The following NCKAP1L variants were observed in gnomAD, a reference collection of about 807,000 sequenced individuals.
NCKAP1L encodes the protein nck-associated protein 1-like.
A neutral mutation model predicts 139.2 loss-of-function variants in NCKAP1L; 53 were observed. The ratio of observed to expected loss-of-function variants is 0.38; its 90% CI spans 0.31 to 0.48. The LOEUF (loss-of-function observed/expected upper bound fraction) is 0.48. NCKAP1L is among the 20% of genes least tolerant of loss of function. The pLI is 0.98. For synonymous variants in NCKAP1L, 468 were observed against 499.7 expected, an observed-to-expected ratio of 0.94 and a Z score of 0.85; for missense variants, 1,151 against 1,381.9, an observed-to-expected ratio of 0.83 and a Z score of 2.65.
chr12:54,531,908 C>T (rs906443858), intron 25 of NCKAP1L, 83 bp downstream of exon 25: 48 of 1,206,410 alleles, frequency 4.0e-5, no homozygotes, highest in African/African-American at 6.0e-5. Flanking sequence ...GGAAGTATTG[C>T]GGGAATCAGT....
intron 9 of NCKAP1L, among the ~76,000 whole-genome samples, chr12:54,515,934 A>G (rs1956926523): frequency 6.6e-6 from 1 of 152,246 alleles, no homozygotes; most frequent in Non-Finnish European, 1.5e-5. Context: ...AGGCAGGAGC[A>G]CAGGAAGAGA....
At chr12:54,539,928 G>T (rs114470509) in intron 30 of NCKAP1L, among the ~76,000 whole-genome samples, 2,603 of 152,228 alleles carry the variant, frequency 0.017, 76 homozygotes, top group African/African-American at 0.06. Flanking sequence ...AGGGACGTGT[G>T]GCTGGAGTTT....
At chr12:54,535,306 A>G (rs560897069) in intron 27 of NCKAP1L, 109 bp downstream of exon 27, 2 of 797,222 alleles carry the variant, frequency 2.5e-6, no homozygotes, top group Admixed American at 2.5e-5. Context: ...ATATATTCAG[A>G]GGATATAAGC....
chr12:54,511,272 G>A (rs543209405), intron 7 of NCKAP1L, among the ~76,000 whole-genome samples: 4 of 152,260 alleles, frequency 2.6e-5, no homozygotes, highest in Admixed American at 2.6e-4. Context: ...TCTAGTCCAA[G>A]TTCCTCTTTA....
chr12:54,532,322 T>C, intron 26 of NCKAP1L, 72 bp downstream of exon 26: 1 of 1,282,882 alleles, frequency 7.8e-7, no homozygotes, highest in Non-Finnish European at 1.1e-6. Flanking sequence ...TAGGATCTTG[T>C]AAGGGAGAGC....
In NCKAP1L at chr12:54,509,908, G is replaced by C. The variant is rs1956873975; in HGVS notation, c.658G>C (p.Glu220Gln). The C allele has an allele frequency of 5.0e-6, 8 of 1,614,230 alleles. No homozygotes were observed. The highest frequency in any genetic ancestry group is 1.6e-4 in the Middle Eastern group (1 of 6,062). Residue 220 changes from glutamate (E) to glutamine (Q), a missense_variant, in exon 7 of 31, where the codon GAG becomes CAG. Coordinates refer to ENST00000293373, the MANE Select transcript of NCKAP1L (RefSeq NM_005337.5). The stretch of plus-strand genomic sequence containing the variant: ...CTTTGTCCGAAGAAACCAGGGGGCT[G>C]AGCAGTGGCGCAGTGCCCAACTTCT... ...FLFVRRNQGA[E>Q]QWRSAQLLSL... is the part of the protein sequence containing the mutation.
intron 26 of NCKAP1L, among the ~76,000 whole-genome samples, chr12:54,532,622 AT>A (rs1957082017): frequency 6.6e-6 from 1 of 152,048 alleles, no homozygotes; most frequent in South Asian, 2.1e-4. Context: ...TTATAGGAAG[AT>A]TTGTTCCTTT....
rs763820095 is a variant in NCKAP1L, at chr12:54,521,237, A to T, written c.1877A>T (p.Gln626Leu). 6.2e-7 allele frequency: 1 copy of T among 1,613,980 alleles called. No individual in the cohort carries two copies. The highest frequency in any genetic ancestry group is 1.1e-5 in the South Asian group (1 of 91,070). ...GCTGAGCAGCGAAACCTGAGCGAGC[A>T]GGTAGACTCAGCCCTCTCTGTTTCA... ...ICAEQRNLSE[Q>L]LLPKHCATTI... Residue 626 changes from glutamine to leucine, a missense_variant and splice_region_variant, in exon 18 of 31, where the codon CAG becomes CTG. Physicochemically the swap from Gln to Leu is moderately radical, Grantham distance 113. Coordinates refer to ENST00000293373, the MANE Select transcript of NCKAP1L (RefSeq NM_005337.5).
At position 54,535,166 on chromosome 12, in the gene NCKAP1L, C is replaced by T; in HGVS notation, c.2925C>T (p.Ala975=). 2 of 1,613,758 alleles carry T rather than the reference C, an allele frequency of 1.2e-6. No homozygotes were observed. The highest frequency in any genetic ancestry group is 1.7e-6 in the Non-Finnish European group (2 of 1,179,834). Residue 975 remains alanine, a synonymous_variant, in exon 27 of 31, where the codon GCC becomes GCT. Coordinates refer to ENST00000293373, the MANE Select transcript of NCKAP1L (RefSeq NM_005337.5). ...GTGTGGGCTGTGACATTGACCCAGCCTTGGTGGCTGCCATTGCTAATCTGA... is the reference window on the plus strand; with the variant it reads ...GTGTGGGCTGTGACATTGACCCAGCTTTGGTGGCTGCCATTGCTAATCTGA... ...AAGVGCDIDP[A]LVAAIANLKA... is the part of the protein sequence containing the mutation.
intron 30 of NCKAP1L, among the ~76,000 whole-genome samples, chr12:54,541,505 C>T (rs2120983701): frequency 6.6e-6 from 1 of 152,298 alleles, no homozygotes; most frequent in African/African-American, 2.4e-5. Context: ...TCTTGCCTAG[C>T]AAGAAATTCT....
chr12:54,497,939 G>A (rs1414852630), intron 1 of NCKAP1L, 48 bp downstream of exon 1: 1 of 1,250,828 alleles, frequency 8.0e-7, no homozygotes, highest in African/African-American at 1.5e-5. Flanking sequence ...ACAATAATAG[G>A]GCAGGGAACC....
intron 5 of NCKAP1L, among the ~76,000 whole-genome samples, chr12:54,508,966 T>C (rs768296976): frequency 5.3e-5 from 8 of 152,180 alleles, no homozygotes; most frequent in Non-Finnish European, 1.2e-4. Flanking sequence ...GATTATTCAA[T>C]TTGCATCATC....
chr12:54,506,855 A>AG (rs1956845421), intron 3 of NCKAP1L, among the ~76,000 whole-genome samples: 1 of 134,294 alleles, frequency 7.4e-6, no homozygotes, highest in African/African-American at 2.8e-5. Flanking sequence ...CTTTTTTAGA[A>AG]ATGAAAGTAC....
intron 22 of NCKAP1L, among the ~76,000 whole-genome samples, chr12:54,530,598 A>G (rs1451994600): frequency 6.6e-6 from 1 of 152,226 alleles, no homozygotes; most frequent in Non-Finnish European, 1.5e-5. Flanking sequence ...AGATGAGGAA[A>G]TAGTTGTATC....
In NCKAP1L at chr12:54,547,762, C is replaced by T. The variant is rs1396030060; in HGVS notation, c.*5077C>T. 6.6e-6 allele frequency: 1 copy of T among 152,168 alleles called. No individual in the cohort carries two copies. The highest frequency in any genetic ancestry group is 1.5e-5 in the Non-Finnish European group (1 of 68,034). 9.4% of individuals were successfully genotyped at this position (152,168 alleles called of 1,614,324 possible). On this transcript the variant is annotated 3_prime_UTR_variant, in exon 31 of 31. Transcript: ENST00000293373. ...TTTGCAATTCTTTTGTAGTTTCCAGCCCATTTCATTTTCAGTTGATAAGGA... is the reference window on the plus strand; with the variant it reads ...TTTGCAATTCTTTTGTAGTTTCCAGTCCATTTCATTTTCAGTTGATAAGGA...
Position 54,509,833 on chromosome 12 carries a change from T to C in NCKAP1L, c.598-15T>C. 6.2e-7 allele frequency: 1 copy of C among 1,614,186 alleles called. No homozygotes were observed. The highest frequency in any genetic ancestry group is 1.1e-5 in the South Asian group (1 of 91,084). ...TCATGATTGCCGCTAAGGTTTCATT[T>C]GCTTTTCCCCACAGGCTGTGAGTGG... On this transcript the variant is annotated splice_polypyrimidine_tract_variant and intron_variant, in intron 6 of 30. Coordinates refer to ENST00000293373, the MANE Select transcript of NCKAP1L (RefSeq NM_005337.5).
chr12:54,513,315 G>C (rs1028176968), intron 9 of NCKAP1L, among the ~76,000 whole-genome samples: 1 of 152,210 alleles, frequency 6.6e-6, no homozygotes, highest in African/African-American at 2.4e-5. Context: ...TAAACAGGTT[G>C]ACTTTGAAAT....
intron 3 of NCKAP1L, among the ~76,000 whole-genome samples, chr12:54,501,278 T>C (rs972522754): frequency 6.6e-6 from 1 of 152,196 alleles, no homozygotes; most frequent in Non-Finnish European, 1.5e-5. Flanking sequence ...TTGTAGCATA[T>C]TGTAGAATTT....
At chr12:54,503,066 C>G (rs1021262506) in intron 3 of NCKAP1L, among the ~76,000 whole-genome samples, 7 of 150,762 alleles carry the variant, frequency 4.6e-5, no homozygotes, top group Non-Finnish European at 8.9e-5. Flanking sequence ...ATTCACATTT[C>G]TCCAGTTGTC....
Sources: gnomAD v4.1 joint callset for allele counts (sites outside exome capture counted in the v4.1 genomes callset) on GRCh38, gnomAD v4.1.1 for gene constraint, MANE v1.5 for transcripts, NCBI Gene and HGNC (gene_info 2026-07-23, HGNC 2026-07-21) for gene names.